CSPG5: variants seen among roughly 807,000 people sequenced by gnomAD.
CSPG5 encodes the protein acidic leucine-rich EGF-like domain-containing brain protein.
CSPG5 carries 25 observed loss-of-function variants against 39.8 expected under a neutral mutation model. The observed-to-expected ratio is 0.63, with a 90% CI of 0.46 to 0.88. The LOEUF (loss-of-function observed/expected upper bound fraction) is 0.88. CSPG5 is among the 40% of genes least tolerant of loss of function. The pLI, the probability that CSPG5 is intolerant of heterozygous loss-of-function variation, is 0.00. For synonymous variants in CSPG5, 295 were observed against 303.9 expected, an observed-to-expected ratio of 0.97 and a Z score of 0.31; for missense variants, 627 against 702.2, an observed-to-expected ratio of 0.89 and a Z score of 1.21.
At chr3:47,569,405 A>G (rs1484765186) in intron 3 of CSPG5, among the ~76,000 whole-genome samples, 178 bp from the exon 4 acceptor site, 2 of 152,060 alleles carry the variant, frequency 1.3e-5, no homozygotes, top group South Asian at 2.1e-4. Context: ...GGAGTTTCAG[A>G]TTAGCTTGGC....
chr3:47,577,339 T>C lies in CSPG5; in HGVS notation c.687A>G (p.Pro229=). The change falls in exon 2 of 5, where the codon CCA becomes CCG. Residue 229 remains proline (P), a synonymous_variant. Transcript: ENST00000264723. The surrounding 1 kb of genome is among the most constrained non-coding windows in gnomAD (Gnocchi z 4.7). ...GGTTCTCTGAGGTTCCTGGTGACCCTGGGAAGCTCCCCAGATCTGCGCCAC... is the reference window on the plus strand; with the variant it reads ...GGTTCTCTGAGGTTCCTGGTGACCCCGGGAAGCTCCCCAGATCTGCGCCAC... ...EGRGADLGSF[P]GSPGTSENHP... is the part of the protein sequence containing the mutation. The C allele has an allele frequency of 6.2e-7, 1 of 1,613,976 alleles. No individual in the cohort carries two copies.
chr3:47,565,484 G>A (rs1331743682), intron 4 of CSPG5, among the ~76,000 whole-genome samples: 1 of 152,096 alleles, frequency 6.6e-6, no homozygotes, highest in East Asian at 1.9e-4. Flanking sequence ...ATCAACATCT[G>A]GCATAAGTTC....
rs1270883829 is a variant in CSPG5, at chr3:47,577,348, C to A, written c.678G>T (p.Gly226=). The change falls in exon 2 of 5, where the codon GGG becomes GGT. Residue 226 remains glycine, a synonymous_variant. Coordinates refer to ENST00000264723, the MANE Select transcript of CSPG5 (RefSeq NM_006574.4). The surrounding 1 kb of genome is among the most constrained non-coding windows in gnomAD (Gnocchi z 4.7). ...LDGEGRGADL[G]SFPGSPGTSE... is the part of the protein sequence containing the mutation. ...AGGTTCCTGGTGACCCTGGGAAGCT[C>A]CCCAGATCTGCGCCACGACCCTCAC... The A allele has an allele frequency of 1.9e-6, 3 of 1,613,890 alleles. No homozygotes were observed. The highest frequency in any genetic ancestry group is 1.7e-6 in the Non-Finnish European group (2 of 1,179,934).
At chr3:47,565,049 A>G (rs1351251003) in intron 4 of CSPG5, among the ~76,000 whole-genome samples, 1 of 151,920 alleles carries the variant, frequency 6.6e-6, no homozygotes, top group African/African-American at 2.4e-5. Flanking sequence ...CCCACCCTCA[A>G]CTCCTTCATC....
rs1048857237 is a variant in CSPG5, at chr3:47,577,808, G to T, written c.218C>A (p.Ala73Glu). The change falls in exon 2 of 5, where the codon GCG becomes GAG. Residue 73 changes from alanine to glutamate, a missense_variant. Ala to Glu is a moderately radical substitution (Grantham distance 107). Transcript: ENST00000264723. This position sits in a 1 kb window ranked among gnomAD's most constrained non-coding sequence, Gnocchi z 4.7. ...CTCGCCACCGGGCGCCGTCCACGAC[G>T]CCTCATCTTCCCCAGCCGCTGGTGG... is the stretch of plus-strand genomic sequence containing the variant. ...AGPPAAGEDE[A>E]SWTAPGGELA... 5 of 1,578,882 alleles carry T rather than the reference G, an allele frequency of 3.2e-6. No homozygotes were observed. The highest frequency in any genetic ancestry group is 4.3e-6 in the Non-Finnish European group (5 of 1,171,600).
chr3:47,577,411 T>C lies in CSPG5; in HGVS notation c.615A>G (p.Ser205=). 1 of 1,614,216 alleles carries C rather than the reference T, an allele frequency of 6.2e-7. No homozygotes were observed. Among genetic ancestry groups the C allele is most frequent in the Non-Finnish European group, 8.5e-7 (1 of 1,180,040 alleles). The change falls in exon 2 of 5, where the codon TCA becomes TCG. Residue 205 remains serine (S), a synonymous_variant. Transcript: ENST00000264723. This position sits in a 1 kb window ranked among gnomAD's most constrained non-coding sequence, Gnocchi z 4.7. ...FQGTLEPQPA[S]DIIDIDYFEG... ...CGAAGTAGTCGATGTCAATGATATC[T>C]GATGCCGGTTGGGGCTCCAGGGTGC...
chr3:47,577,927 C>G lies in CSPG5; in HGVS notation c.99G>C (p.Ala33=), dbSNP rs1368781963. Reference sequence around the variant, plus strand: ...CCTCAACCGCGCTGCCCGCCTCACGCGCTGCGGGCGGGAGGGCAAGGGGCG... The same window carrying G: ...CCTCAACCGCGCTGCCCGCCTCACGGGCTGCGGGCGGGAGGGCAAGGGGCG... ...ALVLASGAVP[A]REAGSAVEAE... The change falls in exon 2 of 5, where the codon GCG becomes GCC. Residue 33 remains alanine (A), a splice_region_variant and synonymous_variant. Coordinates refer to ENST00000264723, the MANE Select transcript of CSPG5 (RefSeq NM_006574.4). The surrounding 1 kb of genome is among the most constrained non-coding windows in gnomAD (Gnocchi z 4.7). 2.1e-6 allele frequency: 3 copies of G among 1,426,090 alleles called. No homozygotes were observed. Among genetic ancestry groups the G allele is most frequent in the Non-Finnish European group, 2.7e-6 (3 of 1,103,140 alleles). 88.3% of individuals were successfully genotyped at this position (1,426,090 alleles called of 1,614,324 possible).
At chr3:47,563,947 C>A (rs1451225665) in intron 4 of CSPG5, among the ~76,000 whole-genome samples, 1 of 152,238 alleles carries the variant, frequency 6.6e-6, no homozygotes. Flanking sequence ...TGTGGCAAAT[C>A]TTGCTTTACT....
At chr3:47,575,910 A>G (rs1380903727) in intron 2 of CSPG5, among the ~76,000 whole-genome samples, 1 of 149,986 alleles carries the variant, frequency 6.7e-6, no homozygotes, top group African/African-American at 2.5e-5. Flanking sequence ...AAACTCTTAA[A>G]GAATTCCCTT....
At chr3:47,570,957 C>A (rs1184898556) in intron 3 of CSPG5, among the ~76,000 whole-genome samples, 1 of 152,048 alleles carries the variant, frequency 6.6e-6, no homozygotes, top group Non-Finnish European at 1.5e-5. Flanking sequence ...CAACAGTGAT[C>A]ATAAGATGCC....
chr3:47,569,103 C>A, intron 4 of CSPG5, 49 bp downstream of exon 4: 1 of 1,567,082 alleles, frequency 6.4e-7, no homozygotes, highest in Non-Finnish European at 8.6e-7. Flanking sequence ...TGAGCCAAGG[C>A]ACGGGCATGG....
chr3:47,568,707 A>G (rs1279018387), intron 4 of CSPG5, among the ~76,000 whole-genome samples: 1 of 152,182 alleles, frequency 6.6e-6, no homozygotes. Context: ...GCTAAAAATC[A>G]TGAGTAACCC....
intron 4 of CSPG5, among the ~76,000 whole-genome samples, chr3:47,563,908 G>A (rs1230344478): frequency 1.3e-5 from 2 of 152,182 alleles, no homozygotes; most frequent in East Asian, 1.9e-4. Context: ...AGTCCTCCAG[G>A]TCTACATTCT....
chr3:47,576,902 T>C lies in CSPG5; in HGVS notation c.1124A>G (p.Asp375Gly). The C allele has an allele frequency of 6.2e-7, 1 of 1,606,270 alleles. No individual in the cohort carries two copies. Among genetic ancestry groups the C allele is most frequent in the Non-Finnish European group, 8.5e-7 (1 of 1,175,448 alleles). Residue 375 changes from aspartate (D) to glycine (G), a missense_variant, in exon 2 of 5, where the codon GAC becomes GGC. By Grantham distance (94) the Asp-to-Gly change is moderately conservative. Transcript: ENST00000264723. ...RHNGSCRSVC[D>G]LFPSYCHNGG... ...ATTGTGACAGTAACTTGGGAAGAGG[T>C]CGCACACTGACCGGCAGGAGCCGTT... is the stretch of plus-strand genomic sequence containing the variant.
In CSPG5 at chr3:47,578,334, C is replaced by T. The variant is rs1205017621; in HGVS notation, c.97+263G>A. Among the ~76,000 whole-genome samples, 2 of 145,170 alleles carry T rather than the reference C, an allele frequency of 1.4e-5. No individual in the cohort carries two copies. Among genetic ancestry groups the T allele is most frequent in the African/African-American group, 5.1e-5 (2 of 39,504 alleles). ...AGGCCCCGCCCCGGCCCCGCCCCGG[C>T]CCCGCCCCCGGCCCCGCCCCCAGTC... is the stretch of plus-strand genomic sequence containing the variant. On this transcript the variant is annotated intron_variant, in intron 1 of 4. Transcript: ENST00000264723. This position sits in a 1 kb window ranked among gnomAD's most constrained non-coding sequence, Gnocchi z 6.0.
intron 2 of CSPG5, among the ~76,000 whole-genome samples, chr3:47,575,511 C>T (rs566704373): frequency 1.3e-5 from 2 of 152,306 alleles, no homozygotes; most frequent in East Asian, 3.9e-4. Context: ...TGATGAGCTA[C>T]AGACAATGCC....
chr3:47,578,764 C>T lies in CSPG5; in HGVS notation c.-71G>A, dbSNP rs1286819498. ...GCCCTCGGCTCGCCCGGCCGCCGCG[C>T]CTCCCGCCGGTTCTGCGGCCGCCTC... On this transcript the variant is annotated 5_prime_UTR_variant, in exon 1 of 5. Coordinates refer to ENST00000264723, the MANE Select transcript of CSPG5 (RefSeq NM_006574.4). This position sits in a 1 kb window ranked among gnomAD's most constrained non-coding sequence, Gnocchi z 6.0. 7.2e-6 allele frequency: 2 copies of T among 277,336 alleles called. No homozygotes were observed. Among genetic ancestry groups the T allele is most frequent in the African/African-American group, 2.3e-5 (1 of 43,392 alleles). 17.2% of individuals were successfully genotyped at this position (277,336 alleles called of 1,614,324 possible).
rs142332816 is a variant in CSPG5 at position 47,563,845 on chromosome 3, C to T, written c.1459-1084G>A. On this transcript the variant is annotated intron_variant, in intron 4 of 4. Transcript: ENST00000264723. ...CTGGGATTACAGGTGTGAGCCACCA[C>T]GCCGGCTTGAATTTGCCTCTTAAAG... Among the ~76,000 whole-genome samples the T allele has an allele frequency of 3.3e-5, 5 of 152,308 alleles. No individual in the cohort carries two copies. In the East Asian group the frequency reaches 5.8e-4, roughly 18 times the overall value.
intron 2 of CSPG5, among the ~76,000 whole-genome samples, chr3:47,575,759 C>T (rs2031696513): frequency 6.6e-6 from 1 of 152,054 alleles, no homozygotes; most frequent in Non-Finnish European, 1.5e-5. Flanking sequence ...AGGGAACTGG[C>T]CCCTCCTCCC....
Sources: gnomAD v4.1 joint callset for allele counts (sites outside exome capture counted in the v4.1 genomes callset) on GRCh38, gnomAD v4.1.1 for gene constraint, Gnocchi (gnomAD v3.1) non-coding constraint, MANE v1.5 for transcripts, NCBI Gene and HGNC (gene_info 2026-07-23, HGNC 2026-07-21) for gene names.